Variants in ANKRD29 observed in about 807,000 individuals in gnomAD.
ANKRD29 encodes ankyrin repeat domain-containing protein 29.
A neutral mutation model predicts 38.0 loss-of-function variants in ANKRD29; 32 were observed. The ratio of observed to expected loss-of-function variants is 0.84; its 90% confidence interval spans 0.64 to 1.13. The LOEUF (loss-of-function observed/expected upper bound fraction) is 1.13, where lower values mean the gene tolerates loss of function less well. Ranked by LOEUF, ANKRD29 falls within the 50% of genes most tolerant of loss-of-function variation. The pLI, the probability that ANKRD29 is intolerant of heterozygous loss-of-function variation, is 0.00. For synonymous variants in ANKRD29, 135 were observed against 152.4 expected (o/e 0.89, Z 0.84); for missense variants, 357 against 377.9 (o/e 0.94, Z 0.46).
chr18:23,649,233 C>T (rs2060180091), intron 1 of ANKRD29, 40 bp from the exon 2 acceptor site: 2 of 1,462,092 alleles, frequency 1.4e-6, no homozygotes, highest in South Asian at 1.2e-5. Flanking sequence ...AAATTGATGT[C>T]AGTTAACATG....
rs542030594 is a variant in ANKRD29 at position 23,634,352 on chromosome 18, C to G, written c.331-203G>C. Among the ~76,000 whole-genome samples, 54 of 134,050 alleles carry G rather than the reference C, an allele frequency of 4.0e-4. No individual in the cohort carries two copies. The South Asian group carries it at 7.8e-3, about 19-fold the overall frequency. 87.9% of individuals were successfully genotyped at this position (134,050 alleles called of 152,430 possible). A position where few individuals can be genotyped will look rare whatever the true frequency, so the allele number is the denominator to read the frequency against. On this transcript the variant is annotated intron_variant, in intron 4 of 9. Coordinates refer to ENST00000592179, the MANE Select transcript of ANKRD29 (RefSeq NM_173505.4). ...TCACCCAGGCTGGAGTGCAGTGGTGCGATCTTGGCTCACTGCAATCTCCGC... is the reference window on the plus strand; with the variant it reads ...TCACCCAGGCTGGAGTGCAGTGGTGGGATCTTGGCTCACTGCAATCTCCGC...
chr18:23,649,334 C>T (rs1445362782), intron 1 of ANKRD29, 141 bp from the exon 2 acceptor site: 1 of 732,136 alleles, frequency 1.4e-6, no homozygotes, highest in Non-Finnish European at 2.4e-6. Flanking sequence ...CAGCAATAGA[C>T]AACTGTAATA....
intron 8 of ANKRD29, among the ~76,000 whole-genome samples, chr18:23,613,744 C>G (rs1411064284): frequency 6.6e-6 from 1 of 151,530 alleles, no homozygotes; most frequent in Non-Finnish European, 1.5e-5. Context: ...GCACTACAGG[C>G]GCCCGCCACA....
chr18:23,619,330 C>G (rs1293059217), intron 7 of ANKRD29: 10 of 580,006 alleles, frequency 1.7e-5, no homozygotes, highest in Middle Eastern at 2.7e-4. Context: ...ATTCCACCCT[C>G]TCTAGTGCGT....
At chr18:23,607,755 T>G (rs1168255157) in intron 9 of ANKRD29, among the ~76,000 whole-genome samples, 1 of 152,202 alleles carries the variant, frequency 6.6e-6, no homozygotes, top group Non-Finnish European at 1.5e-5. Context: ...CCCTAAAGGC[T>G]ATCTCGTTCA....
At chr18:23,653,316 T>A (rs898451578) in intron 1 of ANKRD29, among the ~76,000 whole-genome samples, 5 of 152,212 alleles carry the variant, frequency 3.3e-5, no homozygotes, top group Admixed American at 6.5e-5. Flanking sequence ...AGTGCCATGA[T>A]CTCGGCTCAC....
chr18:23,657,136 T>C (rs2060294939), intron 1 of ANKRD29, among the ~76,000 whole-genome samples: 1 of 152,244 alleles, frequency 6.6e-6, no homozygotes, highest in Non-Finnish European at 1.5e-5. Context: ...GTCACCTCCT[T>C]ATCGTTCACC....
chr18:23,614,877 T>C (rs978508582), intron 8 of ANKRD29, among the ~76,000 whole-genome samples: 2 of 152,190 alleles, frequency 1.3e-5, no homozygotes, highest in South Asian at 4.1e-4. Context: ...TGATAGACTC[T>C]GAGAGGACAG....
At chr18:23,602,840 T>TA (rs1322206977) in intron 9 of ANKRD29, among the ~76,000 whole-genome samples, 1 of 151,938 alleles carries the variant, frequency 6.6e-6, no homozygotes, top group Non-Finnish European at 1.5e-5. Flanking sequence ...ATTAATTCAC[T>TA]AAAAATAATA....
chr18:23,662,857 G>T lies in ANKRD29; in HGVS notation c.-127C>A. 2.3e-6 allele frequency: 2 copies of T among 888,156 alleles called. No homozygotes were observed. Among genetic ancestry groups the T allele is most frequent in the Non-Finnish European group, 2.8e-6 (2 of 719,356 alleles). 55.0% of individuals were successfully genotyped at this position (888,156 alleles called of 1,614,324 possible). A position where few individuals can be genotyped will look rare whatever the true frequency, so the allele number is the denominator to read the frequency against. On this transcript the variant is annotated 5_prime_UTR_variant, in exon 1 of 10. Transcript: ENST00000592179. Reference sequence around the variant, plus strand: ...GCGGCCTCCGACGCCGCGCGCTCCCGCCGCCCGGCCCGGCAGCAGCCGCCG... The same window carrying T: ...GCGGCCTCCGACGCCGCGCGCTCCCTCCGCCCGGCCCGGCAGCAGCCGCCG...
At chr18:23,611,336 G>C (rs1472849808) in intron 9 of ANKRD29, among the ~76,000 whole-genome samples, 2 of 152,122 alleles carry the variant, frequency 1.3e-5, no homozygotes, top group Admixed American at 1.3e-4. Flanking sequence ...TACTCCCATA[G>C]TAACTGCTCT....
intron 3 of ANKRD29, among the ~76,000 whole-genome samples, chr18:23,641,239 C>G (rs2060071105): frequency 6.6e-6 from 1 of 152,206 alleles, no homozygotes; most frequent in Non-Finnish European, 1.5e-5. Flanking sequence ...GGTGGGAGCC[C>G]CATCCCCTAT....
At chr18:23,619,725 T>C (rs2059772679) in intron 6 of ANKRD29, 96 bp from the exon 7 acceptor site, 39 of 1,041,946 alleles carry the variant, frequency 3.7e-5, no homozygotes, top group Non-Finnish European at 4.8e-5. Flanking sequence ...AAGCGAAAAC[T>C]CCGGGAAGGC....
chr18:23,659,939 C>T (rs995413238), intron 1 of ANKRD29, among the ~76,000 whole-genome samples: 10 of 149,192 alleles, frequency 6.7e-5, no homozygotes, highest in Admixed American at 5.4e-4. Context: ...GGTGAAACCC[C>T]GTCTCTACTA....
intron 5 of ANKRD29, among the ~76,000 whole-genome samples, chr18:23,632,533 G>GTGTATATATATATATATA (rs371646966): frequency 5.3e-5 from 7 of 130,904 alleles, no homozygotes; most frequent in African/African-American, 2.3e-4. Flanking sequence ...GTGTGTGTGT[G>GTGTATATATATATATATA]TATATATATA....
chr18:23,661,162 C>T (rs1046448704), intron 1 of ANKRD29, among the ~76,000 whole-genome samples: 3 of 152,160 alleles, frequency 2.0e-5, no homozygotes, highest in Non-Finnish European at 4.4e-5. Flanking sequence ...TGTCCTCAGT[C>T]CTCTTATTTT....
At chr18:23,611,224 T>C (rs936306661) in intron 9 of ANKRD29, among the ~76,000 whole-genome samples, 4 of 152,198 alleles carry the variant, frequency 2.6e-5, no homozygotes, top group Non-Finnish European at 5.9e-5. Flanking sequence ...CAACCAAATA[T>C]AGCACAAGCA....
chr18:23,606,576 G>T (rs1374917748), intron 9 of ANKRD29, among the ~76,000 whole-genome samples: 1 of 152,142 alleles, frequency 6.6e-6, no homozygotes, highest in Middle Eastern at 3.2e-3. Flanking sequence ...CTCCCAAAGT[G>T]CTGGGATTAC....
At chr18:23,630,310 C>T (rs564516549) in intron 5 of ANKRD29, among the ~76,000 whole-genome samples, 5 of 152,296 alleles carry the variant, frequency 3.3e-5, no homozygotes, top group African/African-American at 7.2e-5. Context: ...ACCTATAATC[C>T]CAGCTACTCC....
Sources: allele counts gnomAD v4.1 joint callset (sites outside exome capture counted in the v4.1 genomes callset), GRCh38; gene constraint gnomAD v4.1.1; transcripts MANE v1.5; gene names NCBI Gene and HGNC (gene_info 2026-07-23, HGNC 2026-07-21).